Variants in LRMDA observed in about 807,000 individuals in gnomAD.
The protein encoded by LRMDA is leucine rich melanocyte differentiation associated, also known as leucine-rich melanocyte differentiation-associated protein.
A neutral mutation model predicts 29.8 loss-of-function variants in LRMDA; 18 were observed. The ratio of observed to expected loss-of-function variants is 0.60; its 90% CI spans 0.42 to 0.90. LRMDA has a LOEUF of 0.90. Among genes scored for constraint, LRMDA ranks in the 40% least tolerant of loss-of-function variants. The pLI is 0.00. For missense variants in LRMDA, 273 were observed against 273.9 expected (o/e 1.00, Z 0.02); for synonymous variants, 125 against 109.4 (o/e 1.14, Z -0.89).
In LRMDA at chr10:76,143,200, T is replaced by A. The variant is rs139131140; in HGVS notation, c.516+84417T>A. ...AGCATGATTTATTATCCTTTGGGTA[T>A]ATACCTAGTAATAGGATGGCTGGGT... On this transcript the variant is annotated intron_variant, in intron 5 of 6. Transcript: ENST00000611255. Among the ~76,000 whole-genome samples, 50 of 152,340 alleles carry A rather than the reference T, an allele frequency of 3.3e-4. No individual in the cohort carries two copies. In the East Asian group the frequency reaches 8.9e-3, roughly 27 times the overall value.
At chr10:76,011,805 G>A (rs1303121648) in intron 2 of LRMDA, among the ~76,000 whole-genome samples, 1 of 152,164 alleles carries the variant, frequency 6.6e-6, no homozygotes, top group African/African-American at 2.4e-5. Flanking sequence ...GGCAGGTGGG[G>A]CAAAACATGG....
At chr10:76,293,762 C>G (rs1840378771) in intron 5 of LRMDA, among the ~76,000 whole-genome samples, 1 of 152,146 alleles carries the variant, frequency 6.6e-6, no homozygotes, top group Non-Finnish European at 1.5e-5. Flanking sequence ...TATAGGATTC[C>G]AGCTGGGCTA....
intron 6 of LRMDA, among the ~76,000 whole-genome samples, chr10:76,359,021 T>C (rs892937658): frequency 6.6e-6 from 1 of 152,190 alleles, no homozygotes; most frequent in Non-Finnish European, 1.5e-5. Flanking sequence ...CTAGTCTTCA[T>C]TGTGAGGCCT....
At chr10:76,461,764 C>T (rs1564548126) in intron 6 of LRMDA, among the ~76,000 whole-genome samples, 1 of 152,000 alleles carries the variant, frequency 6.6e-6, no homozygotes, top group Admixed American at 6.6e-5. Flanking sequence ...CACAGAATCA[C>T]CTGGGCTTTT....
chr10:76,015,092 A>G (rs757231926), intron 2 of LRMDA, among the ~76,000 whole-genome samples: 4 of 152,258 alleles, frequency 2.6e-5, no homozygotes, highest in Non-Finnish European at 5.9e-5. Flanking sequence ...ATACCCATTT[A>G]TCATGAGGCC....
chr10:75,518,967 T>G (rs1845326434), intron 2 of LRMDA, among the ~76,000 whole-genome samples: 1 of 152,346 alleles, frequency 6.6e-6, no homozygotes, highest in Middle Eastern at 3.4e-3. Flanking sequence ...ATTTACCCAG[T>G]AGTCATTCAG....
Position 76,487,686 on chromosome 10 carries a change from GA to G in LRMDA, c.602-69516del, listed in dbSNP as rs564954084. On this transcript the variant is annotated intron_variant, in intron 6 of 6. Transcript: ENST00000611255. ...TCTGTTAGTGGGATTGAGAAATAAG[GA>G]AAAAAACAACTAAAGCTAACTTGGA... Among the ~76,000 whole-genome samples, 320 of 151,714 alleles carry G rather than the reference GA, an allele frequency of 2.1e-3. 3 individuals are homozygous for G. Among genetic ancestry groups the G allele is most frequent in the Middle Eastern group, 0.01 (3 of 294 alleles).
intron 5 of LRMDA, among the ~76,000 whole-genome samples, chr10:76,138,559 TG>T (rs1850139397): frequency 1.3e-5 from 2 of 152,288 alleles, no homozygotes; most frequent in African/African-American, 4.8e-5. Flanking sequence ...TGCCTCATAT[TG>T]GGACGCAGAG....
chr10:76,553,732 G>T (rs1194289079), intron 6 of LRMDA, among the ~76,000 whole-genome samples: 1 of 152,136 alleles, frequency 6.6e-6, no homozygotes, highest in Non-Finnish European at 1.5e-5. Context: ...CCAACTCTGA[G>T]CTCTGGGAGG....
chr10:76,478,876 A>G (rs2637274), intron 6 of LRMDA, among the ~76,000 whole-genome samples: 52,843 of 144,864 alleles, frequency 0.36, 10,631 homozygotes, highest in Middle Eastern at 0.55. Context: ...GAAGGGGAAC[A>G]TCACACACCA....
chr10:75,981,576 G>A lies in LRMDA; in HGVS notation c.132-54432G>A, dbSNP rs1309955819. Reference sequence around the variant, plus strand: ...TAAGCTCTTTGAGAGTGAGTGGGCCGGGCACGGTGGCTCATGCCTGTAATC... The same window carrying A: ...TAAGCTCTTTGAGAGTGAGTGGGCCAGGCACGGTGGCTCATGCCTGTAATC... On this transcript the variant is annotated intron_variant, in intron 2 of 6. Coordinates refer to ENST00000611255, the MANE Select transcript of LRMDA (RefSeq NM_001305581.2). Among the ~76,000 whole-genome samples, 5 of 152,164 alleles carry A rather than the reference G, an allele frequency of 3.3e-5. No homozygotes were observed. In the East Asian group the frequency reaches 7.7e-4, roughly 23 times the overall value.
At chr10:76,502,809 G>GT (rs900302842) in intron 6 of LRMDA, among the ~76,000 whole-genome samples, 1 of 151,402 alleles carries the variant, frequency 6.6e-6, no homozygotes, top group African/African-American at 2.4e-5. Flanking sequence ...AGTCTTTAGG[G>GT]TTTTCTAGGT....
At chr10:76,173,935 C>A (rs1184569656) in intron 5 of LRMDA, among the ~76,000 whole-genome samples, 1 of 152,172 alleles carries the variant, frequency 6.6e-6, no homozygotes, top group Non-Finnish European at 1.5e-5. Context: ...GCTGGGATTA[C>A]AGGTGCGAGC....
chr10:76,198,124 TACTTTCTTA>T (rs1189576108), intron 5 of LRMDA, among the ~76,000 whole-genome samples: 1 of 152,206 alleles, frequency 6.6e-6, no homozygotes, highest in Non-Finnish European at 1.5e-5. Context: ...CCAAGACTTC[TACTTTCTTA>T]ACTTTCTGGT....
chr10:76,247,073 T>A (rs890251745), intron 5 of LRMDA, among the ~76,000 whole-genome samples: 4 of 152,204 alleles, frequency 2.6e-5, no homozygotes, highest in African/African-American at 9.6e-5. Context: ...GACGATCTTG[T>A]CTTACCTCCT....
At chr10:76,354,501 A>T (rs1249677820) in intron 6 of LRMDA, among the ~76,000 whole-genome samples, 1 of 152,178 alleles carries the variant, frequency 6.6e-6, no homozygotes, top group African/African-American at 2.4e-5. Flanking sequence ...TTAGTGACTT[A>T]TACATCAAAT....
At chr10:75,958,165 G>A (rs963866015) in intron 2 of LRMDA, among the ~76,000 whole-genome samples, 10 of 152,142 alleles carry the variant, frequency 6.6e-5, no homozygotes, top group African/African-American at 2.2e-4. Flanking sequence ...GAGGAGGAGG[G>A]TGGCTGAGGG....
At chr10:76,307,776 C>T (rs1015386618) in intron 5 of LRMDA, among the ~76,000 whole-genome samples, 5 of 152,092 alleles carry the variant, frequency 3.3e-5, no homozygotes, top group Admixed American at 6.5e-5. Context: ...GAGGCCACCA[C>T]GTGGAGAAAC....
At chr10:75,509,032 C>G (rs2132030934) in intron 2 of LRMDA, among the ~76,000 whole-genome samples, 1 of 152,300 alleles carries the variant, frequency 6.6e-6, no homozygotes, top group South Asian at 2.1e-4. Flanking sequence ...GTTTCCTTTC[C>G]TTTTCTCTTT....
Sources: allele counts gnomAD v4.1 joint callset (sites outside exome capture counted in the v4.1 genomes callset), GRCh38; gene constraint gnomAD v4.1.1; transcripts MANE v1.5; gene names NCBI Gene and HGNC (gene_info 2026-07-23, HGNC 2026-07-21).